Variants in GAB2 observed in about 807,000 individuals in gnomAD.
GAB2 encodes the protein GRB2-associated-binding protein 2.
A neutral mutation model predicts 65.5 loss-of-function variants in GAB2; 26 were observed. The observed-to-expected ratio is 0.40, with a 90% CI of 0.29 to 0.55. GAB2 has a LOEUF of 0.55. GAB2 is among the 20% of genes least tolerant of loss of function. The probability of loss-of-function intolerance (pLI) is 0.53; values close to 1 mark genes in which losing one functional copy is unlikely to be tolerated. For synonymous variants in GAB2, 321 were observed against 329.6 expected, an observed-to-expected ratio of 0.97 and a Z score of 0.28; for missense variants, 884 against 875.8, an observed-to-expected ratio of 1.01 and a Z score of -0.12.
chr11:78,407,239 G>GT (rs1272668797), intron 1 of GAB2, among the ~76,000 whole-genome samples: 1 of 152,146 alleles, frequency 6.6e-6, no homozygotes, highest in Non-Finnish European at 1.5e-5. Flanking sequence ...AGTAGGTTTA[G>GT]TGAGTTCCAA....
At chr11:78,365,621 T>C (rs998746660) in intron 1 of GAB2, among the ~76,000 whole-genome samples, 3 of 152,128 alleles carry the variant, frequency 2.0e-5, no homozygotes, top group Non-Finnish European at 4.4e-5. Context: ...GATTGATTGT[T>C]ACTGTGGAGC....
intron 2 of GAB2, among the ~76,000 whole-genome samples, chr11:78,258,999 T>A (rs1432910762): frequency 6.6e-6 from 1 of 150,440 alleles, no homozygotes; most frequent in Non-Finnish European, 1.5e-5. Flanking sequence ...CCAATAGTTA[T>A]TTTTTTTGCT....
At chr11:78,351,291 C>T (rs913326550) in intron 1 of GAB2, among the ~76,000 whole-genome samples, 5 of 151,314 alleles carry the variant, frequency 3.3e-5, no homozygotes, top group Non-Finnish European at 7.4e-5. Context: ...TTTATTTCTA[C>T]ATACAAGATT....
chr11:78,317,649 T>A (rs185827537), intron 1 of GAB2, among the ~76,000 whole-genome samples: 380 of 152,208 alleles, frequency 2.5e-3, no homozygotes, highest in African/African-American at 8.7e-3. Flanking sequence ...ATAATTTTTT[T>A]AAAAAGTAAC....
intron 1 of GAB2, among the ~76,000 whole-genome samples, chr11:78,316,423 G>A (rs1461391577): frequency 6.6e-6 from 1 of 152,034 alleles, no homozygotes; most frequent in Non-Finnish European, 1.5e-5. Flanking sequence ...TTAATAACTA[G>A]AATATATAAA....
At chr11:78,343,497 C>T (rs1357806063) in intron 1 of GAB2, among the ~76,000 whole-genome samples, 1 of 151,980 alleles carries the variant, frequency 6.6e-6, no homozygotes, top group African/African-American at 2.4e-5. Flanking sequence ...AAATTTTTAA[C>T]TATTTTCAAA....
intron 1 of GAB2, among the ~76,000 whole-genome samples, chr11:78,398,654 A>G (rs1856933038): frequency 6.6e-6 from 1 of 152,232 alleles, no homozygotes; most frequent in Non-Finnish European, 1.5e-5. Context: ...ATAAAGTGAT[A>G]ACTGATGTTG....
chr11:78,250,768 T>C (rs541632826), intron 2 of GAB2, among the ~76,000 whole-genome samples: 2 of 152,306 alleles, frequency 1.3e-5, no homozygotes, highest in Admixed American at 6.5e-5. Flanking sequence ...TGGCGCCTGC[T>C]GTGGTCAAAG....
intron 3 of GAB2, among the ~76,000 whole-genome samples, chr11:78,233,141 GCCAT>G (rs1864892979): frequency 6.6e-6 from 1 of 150,600 alleles, no homozygotes; most frequent in Non-Finnish European, 1.5e-5. Flanking sequence ...CTGGGCTCAA[GCCAT>G]CCTCCCACCT....
At chr11:78,244,599 G>A (rs1198634560) in intron 3 of GAB2, among the ~76,000 whole-genome samples, 1 of 139,992 alleles carries the variant, frequency 7.1e-6, no homozygotes, top group Non-Finnish European at 1.5e-5. Flanking sequence ...TAATGGAGTT[G>A]AGGCAAATTA....
chr11:78,314,563 A>G (rs963129134), intron 1 of GAB2, among the ~76,000 whole-genome samples: 1 of 152,186 alleles, frequency 6.6e-6, no homozygotes, highest in African/African-American at 2.4e-5. Flanking sequence ...TATAATGGAG[A>G]TAAAACAAGT....
chr11:78,351,749 C>T (rs1856281770), intron 1 of GAB2, among the ~76,000 whole-genome samples: 1 of 152,150 alleles, frequency 6.6e-6, no homozygotes, highest in Non-Finnish European at 1.5e-5. Flanking sequence ...GGAAGTCTGG[C>T]AGCAGAATTC....
chr11:78,397,148 G>A (rs183250501), intron 1 of GAB2, among the ~76,000 whole-genome samples: 10 of 152,012 alleles, frequency 6.6e-5, no homozygotes, highest in East Asian at 1.9e-4. Flanking sequence ...GTTTAATAGC[G>A]TATACTATGA....
chr11:78,370,838 G>A (rs570851210), intron 1 of GAB2, among the ~76,000 whole-genome samples: 1 of 152,182 alleles, frequency 6.6e-6, no homozygotes, highest in African/African-American at 2.4e-5. Flanking sequence ...TCTGGTCAGT[G>A]ATGTCAACTG....
In GAB2 at chr11:78,262,014, T is replaced by G. The variant is rs565007218; in HGVS notation, c.377-11614A>C. On this transcript the variant is annotated intron_variant, in intron 2 of 9. Transcript: ENST00000361507. ...CCTTTCACAGTGACTCTGAGACAAC[T>G]GGCAATTGGTGTAAAACAGAAGCGT... Among the ~76,000 whole-genome samples the G allele has an allele frequency of 3.9e-5, 6 of 152,312 alleles. No individual in the cohort carries two copies. The East Asian group carries it at 1.2e-3, about 29-fold the overall frequency.
At chr11:78,412,663 C>T (rs1197362054) in intron 1 of GAB2, among the ~76,000 whole-genome samples, 1 of 152,262 alleles carries the variant, frequency 6.6e-6, no homozygotes, top group South Asian at 2.1e-4. Context: ...ATAATGGCTA[C>T]ATAAATCTTT....
chr11:78,288,590 G>T (rs1037566999), intron 1 of GAB2, among the ~76,000 whole-genome samples: 51 of 152,004 alleles, frequency 3.4e-4, no homozygotes, highest in African/African-American at 1.2e-3. Context: ...ATTTATAATT[G>T]TTCTTAAAAA....
Position 78,220,850 on chromosome 11 carries a change from C to T in GAB2, c.1762-406G>A, listed in dbSNP as rs571075121. Among the ~76,000 whole-genome samples, 31 of 152,278 alleles carry T rather than the reference C, an allele frequency of 2.0e-4. No individual in the cohort carries two copies. The South Asian group carries it at 3.5e-3, about 17-fold the overall frequency. On this transcript the variant is annotated intron_variant, in intron 8 of 9. Coordinates refer to ENST00000361507, the MANE Select transcript of GAB2 (RefSeq NM_080491.3). ...GAGACATCCAGCCTTTGCTTGCTGG[C>T]GCTTAAGAAAGGAGCACATTTCCTT...
intron 3 of GAB2, among the ~76,000 whole-genome samples, chr11:78,242,332 C>T (rs1230563785): frequency 6.6e-6 from 1 of 152,048 alleles, no homozygotes; most frequent in Non-Finnish European, 1.5e-5. Flanking sequence ...GAAACCCCAT[C>T]TCTACTAAAA....
Sources: gnomAD v4.1 joint callset for allele counts (sites outside exome capture counted in the v4.1 genomes callset) on GRCh38, gnomAD v4.1.1 for gene constraint, MANE v1.5 for transcripts, NCBI Gene and HGNC (gene_info 2026-07-23, HGNC 2026-07-21) for gene names.